ZNF280C: variants seen among roughly 807,000 people sequenced by gnomAD.
ZNF280C encodes suppressor of hairy wing homolog 3.
In ZNF280C, 14 loss-of-function variants were observed where a neutral mutation model predicts 53.6. That is an observed-to-expected ratio of 0.26 (90% CI 0.17 to 0.41). The LOEUF (loss-of-function observed/expected upper bound fraction) is 0.41. Among genes scored for constraint, ZNF280C ranks in the 10% least tolerant of loss-of-function variants. The pLI, the probability that ZNF280C is intolerant of heterozygous loss-of-function variation, is 1.00. For missense variants in ZNF280C, 416 were observed against 547.1 expected (o/e 0.76, Z 2.39); for synonymous variants, 203 against 181.1 (o/e 1.12, Z -0.97).
chrX:130,249,784 C>G (rs372121648), intron 2 of ZNF280C, among the ~76,000 whole-genome samples: 1 of 111,850 alleles, frequency 8.9e-6, no homozygotes, highest in Non-Finnish European at 1.9e-5. Flanking sequence ...CATTCACTCT[C>G]CAACAAGGGT....
chrX:130,261,901 T>C (rs1317911487), intron 1 of ZNF280C, among the ~76,000 whole-genome samples: 1 of 111,237 alleles, frequency 9.0e-6, no homozygotes, highest in Non-Finnish European at 1.9e-5. Flanking sequence ...CATCATCGCA[T>C]ACCACAGCCT....
intron 8 of ZNF280C, among the ~76,000 whole-genome samples, chrX:130,232,552 G>A (rs2032288716): frequency 9.0e-6 from 1 of 111,152 alleles, no homozygotes; most frequent in Non-Finnish European, 1.9e-5. Context: ...ATAGACAAAA[G>A]ACGACTTATG....
At chrX:130,257,993 C>G (rs1480920712) in intron 2 of ZNF280C, among the ~76,000 whole-genome samples, 1 of 111,450 alleles carries the variant, frequency 9.0e-6, no homozygotes, top group East Asian at 2.8e-4. Context: ...TGGGGCACAC[C>G]TGCAATCCCA....
chrX:130,254,965 T>C (rs1023869034), intron 2 of ZNF280C, among the ~76,000 whole-genome samples: 6 of 104,546 alleles, frequency 5.7e-5, no homozygotes, highest in Admixed American at 1.0e-4. Context: ...TAATAGGATA[T>C]AATAAACATC....
intron 2 of ZNF280C, among the ~76,000 whole-genome samples, chrX:130,252,440 G>C (rs770119805): frequency 9.9e-5 from 11 of 111,513 alleles, no homozygotes; most frequent in South Asian, 3.8e-4. Flanking sequence ...CTCAATAAAC[G>C]GTCAGGTGTG....
chrX:130,239,725 A>ATTTATAATT, intron 5 of ZNF280C, 32 bp from the exon 6 acceptor site: 1 of 885,165 alleles, frequency 1.1e-6, no homozygotes, highest in South Asian at 2.2e-5. Context: ...TTGTTTCATA[A>ATTTATAATT]ACTTTTATAG....
rs2032335509 is a variant in ZNF280C at position 130,236,497 on chromosome X, C to T, written c.636G>A (p.Val212=). Residue 212 remains valine (V), a synonymous_variant, in exon 7 of 19, where the codon GTG becomes GTA. Coordinates refer to ENST00000370978, the MANE Select transcript of ZNF280C (RefSeq NM_017666.5). Reference sequence around the variant, plus strand: ...TTGACAGCATAACTTGGGAGGATGTCACTGGAGGAGAGCCAATTAAAGGCA... The same window carrying T: ...TTGACAGCATAACTTGGGAGGATGTTACTGGAGGAGAGCCAATTAAAGGCA... ...TSLPLIGSPP[V]TSSQVMLSKG... is the part of the protein sequence containing the mutation. 1.7e-6 allele frequency: 2 copies of T among 1,201,865 alleles called. No homozygotes were observed. The highest frequency in any genetic ancestry group is 2.2e-6 in the Non-Finnish European group (2 of 891,891).
At chrX:130,223,256 C>T (rs918718693) in intron 12 of ZNF280C, among the ~76,000 whole-genome samples, 15 of 110,822 alleles carry the variant, frequency 1.4e-4, no homozygotes, top group Non-Finnish European at 2.3e-4. Flanking sequence ...CAGGGTTTCA[C>T]CATGTTGGCC....
chrX:130,226,670 T>A, intron 12 of ZNF280C, 89 bp downstream of exon 12: 6 of 937,231 alleles, frequency 6.4e-6, no homozygotes, highest in Non-Finnish European at 8.6e-6. Flanking sequence ...ACGTTATAGA[T>A]AGATATAGAT....
At chrX:130,248,931 G>A (rs2032477362) in intron 2 of ZNF280C, among the ~76,000 whole-genome samples, 1 of 111,669 alleles carries the variant, frequency 9.0e-6, no homozygotes, top group African/African-American at 3.3e-5. Flanking sequence ...ACCCTGCCCT[G>A]CCTGCTGCCA....
intron 2 of ZNF280C, among the ~76,000 whole-genome samples, chrX:130,257,699 T>TCTCC (rs1450433569): frequency 8.9e-6 from 1 of 111,986 alleles, no homozygotes; most frequent in East Asian, 2.8e-4. Context: ...CCTCTCTCTC[T>TCTCC]CTCCTTCACT....
At chrX:130,210,083 C>A in intron 15 of ZNF280C, among the ~76,000 whole-genome samples, 1 of 111,565 alleles carries the variant, frequency 9.0e-6, no homozygotes, top group Non-Finnish European at 1.9e-5. Context: ...TGGGCCCTCA[C>A]CCAGACACCG....
intron 8 of ZNF280C, among the ~76,000 whole-genome samples, chrX:130,231,905 T>C: frequency 9.2e-6 from 1 of 108,495 alleles, no homozygotes; most frequent in Non-Finnish European, 1.9e-5. Flanking sequence ...CACGTGTCTG[T>C]AGTCCCAGCT....
intron 3 of ZNF280C, 143 bp downstream of exon 3, chrX:130,246,716 A>C: frequency 2.8e-6 from 2 of 703,229 alleles, no homozygotes; most frequent in South Asian, 3.0e-5. Context: ...TTTGATTCTC[A>C]CAAGTTCTTA....
At chrX:130,228,864 T>C (rs1011178245) in intron 10 of ZNF280C, 113 bp downstream of exon 10, 5 of 747,610 alleles carry the variant, frequency 6.7e-6, no homozygotes, top group Admixed American at 3.4e-5. Flanking sequence ...AATTTTGCCC[T>C]CATATTACAA....
rs1161088882 is a variant in ZNF280C, at chrX:130,216,059, G to A, written c.1570C>T (p.Pro524Ser). ...GGAGCGCAACCGAAAGGTGCAGTTGGTAATTTTGACTGGAGAGGTCCAAGT... is the reference window on the plus strand; with the variant it reads ...GGAGCGCAACCGAAAGGTGCAGTTGATAATTTTGACTGGAGAGGTCCAAGT... Reference protein sequence around the residue: ...ASLGPLQSKLPTAPFGCAPGT... With the variant: ...ASLGPLQSKLSTAPFGCAPGT... The change falls in exon 14 of 19, where the codon CCA becomes TCA. Residue 524 changes from proline (P) to serine (S), a missense_variant. Pro to Ser is a moderately conservative substitution (Grantham distance 74). Transcript: ENST00000370978. 1 of 1,210,642 alleles carries A rather than the reference G, an allele frequency of 8.3e-7. No individual in the cohort carries two copies. The highest frequency in any genetic ancestry group is 1.8e-5 in the South Asian group (1 of 56,747).
intron 5 of ZNF280C, among the ~76,000 whole-genome samples, chrX:130,240,948 T>C (rs1285596381): frequency 8.9e-6 from 1 of 112,188 alleles, no homozygotes; most frequent in East Asian, 2.8e-4. Flanking sequence ...ACAGTACATG[T>C]ATTTTATTAA....
intron 8 of ZNF280C, 83 bp from the exon 9 acceptor site, chrX:130,230,810 G>T (rs1169065675): frequency 4.5e-5 from 28 of 616,723 alleles, no homozygotes; most frequent in Non-Finnish European, 6.6e-5. Flanking sequence ...TACATCTAAG[G>T]TCAGATGATA....
chrX:130,220,277 TA>T, intron 13 of ZNF280C, 71 bp downstream of exon 13: 1 of 927,399 alleles, frequency 1.1e-6, no homozygotes, highest in African/African-American at 3.8e-5. Context: ...CTTCTATCCA[TA>T]ATAAAAAAAA....
Sources: gnomAD v4.1 joint callset for allele counts (sites outside exome capture counted in the v4.1 genomes callset) on GRCh38, gnomAD v4.1.1 for gene constraint, MANE v1.5 for transcripts, NCBI Gene and HGNC (gene_info 2026-07-23, HGNC 2026-07-21) for gene names.